CHD1L: variants seen among roughly 807,000 people sequenced by gnomAD.
CHD1L encodes chromodomain helicase DNA binding protein 1 like, also known as ATP-dependent chromatin remodeler CHD1L.
CHD1L carries 118 observed loss-of-function variants against 115.9 expected under a neutral mutation model. The observed-to-expected ratio is 1.02, with a 90% CI of 0.88 to 1.19. CHD1L has a LOEUF of 1.19. Ranked by LOEUF, CHD1L falls within the 50% of genes most tolerant of loss-of-function variation. CHD1L has a pLI of 0.00. For synonymous variants in CHD1L, 411 were observed against 387.1 expected, an observed-to-expected ratio of 1.06 and a Z score of -0.72; for missense variants, 1,179 against 1,065.3, an observed-to-expected ratio of 1.11 and a Z score of -1.49.
chr1:147,251,938 TA>T (rs1553936640), intron 1 of CHD1L, among the ~76,000 whole-genome samples: 1 of 152,256 alleles, frequency 6.6e-6, no homozygotes, highest in Non-Finnish European at 1.5e-5. Context: ...AGGTATAAGT[TA>T]AACCAGATAG....
chr1:147,204,359 GA>G, the CHD1L span: 1 of 1,037,642 alleles, frequency 9.6e-7, no homozygotes, highest in Non-Finnish European at 1.5e-6. Flanking sequence ...CCAGAATCAG[GA>G]AAAATAGATA....
chr1:147,291,606 C>A, intron 20 of CHD1L, 54 bp downstream of exon 20: 1 of 1,426,108 alleles, frequency 7.0e-7, no homozygotes, highest in Non-Finnish European at 9.9e-7. Flanking sequence ...ATCAACTTCT[C>A]TTGAAGTGTC....
intron 10 of CHD1L, among the ~76,000 whole-genome samples, chr1:147,270,479 G>A (rs1675716958): frequency 6.6e-6 from 1 of 151,688 alleles, no homozygotes; most frequent in South Asian, 2.1e-4. Flanking sequence ...AGTTGTAGAT[G>A]ACTGACCACA....
At chr1:147,254,159 G>A (rs1280995751) in intron 2 of CHD1L, among the ~76,000 whole-genome samples, 1 of 152,176 alleles carries the variant, frequency 6.6e-6, no homozygotes, top group Non-Finnish European at 1.5e-5. Context: ...CAAGTCATAA[G>A]TGTGTACTAG....
the CHD1L span, chr1:147,184,482 C>T: frequency 3.3e-6 from 5 of 1,515,696 alleles, no homozygotes; most frequent in Non-Finnish European, 4.4e-6. The surrounding 1 kb of genome is among the most constrained non-coding windows in gnomAD (Gnocchi z 4.4). Flanking sequence ...TACTACATTA[C>T]ATTTAGATGT....
At chr1:147,183,016 G>A in the CHD1L span, among the ~76,000 whole-genome samples, 764 of 152,206 alleles carry the variant, frequency 5.0e-3, 17 homozygotes, top group Admixed American at 0.022. Context: ...TGGCTAACAC[G>A]ATAAAACCCC....
upstream of CHD1L, among the ~76,000 whole-genome samples, chr1:147,240,511 C>A (rs1386573028): frequency 2.0e-5 from 3 of 152,116 alleles, no homozygotes; most frequent in African/African-American, 7.2e-5. Flanking sequence ...AGCCTGACAC[C>A]CATAAAGGGT....
chr1:147,291,338 A>T lies in CHD1L; in HGVS notation c.2321-144A>T, dbSNP rs587772420. ...AGGTGAGTACCCAGCTAAGAGGTTGACTGAGGCCAGGAAAGTGAGAAAGGG... is the reference window on the plus strand; with the variant it reads ...AGGTGAGTACCCAGCTAAGAGGTTGTCTGAGGCCAGGAAAGTGAGAAAGGG... On this transcript the variant is annotated intron_variant, in intron 19 of 22. Transcript: ENST00000369258. 1.6e-4 allele frequency: 107 copies of T among 671,510 alleles called. No individual in the cohort carries two copies. The African/African-American group carries it at 1.7e-3, about 11-fold the overall frequency. The allele number at this position is 671,510 out of a possible 1,614,324, so 41.6% of individuals were successfully genotyped here.
At chr1:147,190,988 C>T in the CHD1L span, among the ~76,000 whole-genome samples, 1 of 152,042 alleles carries the variant, frequency 6.6e-6, no homozygotes, top group South Asian at 2.1e-4. Flanking sequence ...CCAGTTTAAT[C>T]CATGTCCCTA....
At chr1:147,263,023 A>G (rs373330612) in intron 6 of CHD1L, among the ~76,000 whole-genome samples, 1 of 152,174 alleles carries the variant, frequency 6.6e-6, no homozygotes, top group East Asian at 1.9e-4. Flanking sequence ...AATATTGTGT[A>G]TATACGTGTA....
At position 147,293,643 on chromosome 1, in the gene CHD1L, C is replaced by T; in HGVS notation, c.2427C>T (p.Ser809=). The change falls in exon 21 of 23, where the codon TCC becomes TCT. Residue 809 remains serine, a synonymous_variant. Coordinates refer to ENST00000369258, the MANE Select transcript of CHD1L (RefSeq NM_004284.6). The part of the protein sequence containing the change: ...ALIVAQHRDR[S]NVLSGIKMAA... Reference sequence around the variant, plus strand: ...TTGTGGCTCAGCATCGTGATCGTTCCAATGTCCTGTCTGGCATTAAGATGG... The same window carrying T: ...TTGTGGCTCAGCATCGTGATCGTTCTAATGTCCTGTCTGGCATTAAGATGG... 1 of 1,614,112 alleles carries T rather than the reference C, an allele frequency of 6.2e-7. No individual in the cohort carries two copies. Among genetic ancestry groups the T allele is most frequent in the Non-Finnish European group, 8.5e-7 (1 of 1,180,020 alleles).
chr1:147,256,460 C>G, intron 4 of CHD1L, 71 bp from the exon 5 acceptor site: 1 of 1,368,432 alleles, frequency 7.3e-7, no homozygotes. Context: ...AGAGAGTTCA[C>G]AGAAAACTAG....
At position 147,286,485 on chromosome 1, in the gene CHD1L, A is replaced by G. The variant is rs369564534; in HGVS notation, c.2206A>G (p.Ile736Val). ...TCAGGCTGGGGCCGAGGATGCTCTCATTGTGCACTGCGTAGGTACGAGAAG... is the reference window on the plus strand; with the variant it reads ...TCAGGCTGGGGCCGAGGATGCTCTCGTTGTGCACTGCGTAGGTACGAGAAG... ...HPQAGAEDAL[I>V]VHCVDDSGHW... The change falls in exon 18 of 23, where the codon ATT becomes GTT. Residue 736 changes from isoleucine to valine, a missense_variant. Coordinates refer to ENST00000369258, the MANE Select transcript of CHD1L (RefSeq NM_004284.6). 74 of 1,613,708 alleles carry G rather than the reference A, an allele frequency of 4.6e-5. 1 individual carries two copies. In the Middle Eastern group the frequency reaches 5.2e-4, roughly 11 times the overall value.
At chr1:147,259,781 T>C in intron 5 of CHD1L, 56 bp from the exon 6 acceptor site, 1 of 1,437,478 alleles carries the variant, frequency 7.0e-7, no homozygotes, top group Non-Finnish European at 9.7e-7. Flanking sequence ...AGACTTTTGA[T>C]TGTGAAATAT....
chr1:147,242,974 G>C, intron 1 of CHD1L, 144 bp downstream of exon 1: 1 of 1,019,238 alleles, frequency 9.8e-7, no homozygotes, highest in Middle Eastern at 3.6e-4. Flanking sequence ...GCCGTGGGCG[G>C]AGAGAAACTG....
At chr1:147,216,301 T>C in the CHD1L span, among the ~76,000 whole-genome samples, 2 of 152,126 alleles carry the variant, frequency 1.3e-5, no homozygotes, top group African/African-American at 2.4e-5. Context: ...CCTCACCACA[T>C]GAAGAGAATG....
At chr1:147,208,029 T>A in the CHD1L span, among the ~76,000 whole-genome samples, 3 of 152,124 alleles carry the variant, frequency 2.0e-5, no homozygotes, top group Non-Finnish European at 2.9e-5. Flanking sequence ...TGCATAGACC[T>A]CCTCACTGTG....
intron 21 of CHD1L, 31 bp downstream of exon 21, chr1:147,293,753 A>AGCCT (rs1553973356): frequency 6.4e-7 from 1 of 1,567,636 alleles, no homozygotes; most frequent in South Asian, 1.1e-5. Context: ...TCAAGAGTAG[A>AGCCT]TGAATTTGTT....
At chr1:147,290,344 C>G (rs146899466) in intron 19 of CHD1L, among the ~76,000 whole-genome samples, 1 of 152,108 alleles carries the variant, frequency 6.6e-6, no homozygotes, top group African/African-American at 2.4e-5. Context: ...CTCAGCTTCT[C>G]CAAGTGCAAG....
Sources: gnomAD v4.1 joint callset for allele counts (sites outside exome capture counted in the v4.1 genomes callset) on GRCh38, gnomAD v4.1.1 for gene constraint, Gnocchi (gnomAD v3.1) non-coding constraint, MANE v1.5 for transcripts, NCBI Gene and HGNC (gene_info 2026-07-23, HGNC 2026-07-21) for gene names.